Variants in XKR9 observed in about 807,000 individuals in gnomAD.
XKR9 encodes the protein XK related 9, also known as XK-related protein 9.
A neutral mutation model predicts 32.0 loss-of-function variants in XKR9; 32 were observed. The ratio of observed to expected loss-of-function variants is 1.00; its 90% confidence interval spans 0.76 to 1.34. The LOEUF is 1.34. Ranked by LOEUF, XKR9 falls within the 40% of genes most tolerant of loss-of-function variation. The probability of loss-of-function intolerance (pLI) is 0.00; values close to 1 mark genes in which losing one functional copy is unlikely to be tolerated. For missense variants in XKR9, 546 were observed against 429.7 expected (o/e 1.27, Z -2.39); for synonymous variants, 168 against 143.4 (o/e 1.17, Z -1.22).
rs1263747121 is a variant in XKR9 at position 70,671,783 on chromosome 8, G to A, written c.-361+2245G>A. Among the ~76,000 whole-genome samples, 2 of 112,522 alleles carry A rather than the reference G, an allele frequency of 1.8e-5. 1 individual carries two copies. The highest frequency in any genetic ancestry group is 4.3e-5 in the Non-Finnish European group (2 of 46,086). The allele number at this position is 112,522 out of a possible 152,430, so 73.8% of individuals were successfully genotyped here. A position where few individuals can be genotyped will look rare whatever the true frequency, so the allele number is the denominator to read the frequency against. Reference sequence around the variant, plus strand: ...AGTCTTTGCTATTGTGAATAGTGCCGCAATAAACATACGTGTGATTGTTTA... The same window carrying A: ...AGTCTTTGCTATTGTGAATAGTGCCACAATAAACATACGTGTGATTGTTTA... On this transcript the variant is annotated intron_variant, in intron 1 of 4. Coordinates refer to ENST00000408926, the MANE Select transcript of XKR9 (RefSeq NM_001011720.2).
chr8:70,856,943 A>G, the XKR9 span, among the ~76,000 whole-genome samples: 2 of 152,192 alleles, frequency 1.3e-5, no homozygotes, highest in Admixed American at 1.3e-4. Context: ...AAGACACAAC[A>G]TACCAGAATA....
intron 4 of XKR9, among the ~76,000 whole-genome samples, chr8:70,708,519 T>C (rs1805802103): frequency 6.6e-6 from 1 of 152,034 alleles, no homozygotes; most frequent in South Asian, 2.1e-4. Context: ...GCCACTAGAG[T>C]GTTTACAAAG....
chr8:70,816,175 C>T, the XKR9 span, among the ~76,000 whole-genome samples: 11 of 152,170 alleles, frequency 7.2e-5, no homozygotes, highest in East Asian at 3.9e-4. Flanking sequence ...GAATAGAGAA[C>T]GCAGAAATAA....
chr8:70,986,397 T>G, the XKR9 span, among the ~76,000 whole-genome samples: 1 of 152,242 alleles, frequency 6.6e-6, no homozygotes. Flanking sequence ...ATCTCATACA[T>G]TGTCAAAAAT....
the XKR9 span, among the ~76,000 whole-genome samples, chr8:70,935,135 A>G: frequency 1.4e-5 from 2 of 147,292 alleles, no homozygotes; most frequent in Non-Finnish European, 3.0e-5. Flanking sequence ...ACACACACAT[A>G]TATATACACA....
At chr8:70,753,746 G>A (rs1354422505) in intron 2 of XKR9, among the ~76,000 whole-genome samples, 2 of 151,808 alleles carry the variant, frequency 1.3e-5, no homozygotes, top group East Asian at 3.9e-4. Context: ...CAATAAATTA[G>A]GTACTGATGG....
intron 3 of XKR9, among the ~76,000 whole-genome samples, chr8:70,698,063 A>G (rs1366022140): frequency 3.3e-5 from 5 of 151,022 alleles, no homozygotes; most frequent in African/African-American, 4.9e-5. Context: ...CGTCTATTTG[A>G]TTCTTCTCTC....
At chr8:70,751,029 A>C (rs2130183798) in intron 2 of XKR9, among the ~76,000 whole-genome samples, 1 of 152,302 alleles carries the variant, frequency 6.6e-6, no homozygotes, top group South Asian at 2.1e-4. Context: ...AGGAAGAGAG[A>C]ATTCTGGCCT....
the XKR9 span, among the ~76,000 whole-genome samples, chr8:70,962,010 A>T: frequency 1.1e-4 from 16 of 152,256 alleles, no homozygotes; most frequent in Middle Eastern, 3.4e-3. Context: ...TATGAATTCA[A>T]GTTCTTTTGA....
the XKR9 span, among the ~76,000 whole-genome samples, chr8:70,800,978 T>C: frequency 1.3e-5 from 2 of 151,088 alleles, no homozygotes; most frequent in South Asian, 2.1e-4. Flanking sequence ...CTGAGGTCTC[T>C]AAGGTTTTTT....
the XKR9 span, among the ~76,000 whole-genome samples, chr8:70,801,933 TC>T: frequency 6.6e-6 from 1 of 151,760 alleles, no homozygotes; most frequent in African/African-American, 2.4e-5. Context: ...TTTTTCTTTT[TC>T]TTTCTTTTTT....
chr8:70,823,572 C>A, the XKR9 span, among the ~76,000 whole-genome samples: 1 of 152,164 alleles, frequency 6.6e-6, no homozygotes, highest in Non-Finnish European at 1.5e-5. Context: ...GAATGACATA[C>A]AATTTATCTT....
chr8:70,767,199 G>C (rs1012119868), intron 2 of XKR9, among the ~76,000 whole-genome samples: 2 of 152,138 alleles, frequency 1.3e-5, no homozygotes, highest in African/African-American at 4.8e-5. Flanking sequence ...TGTACCTCTG[G>C]TAGAATTCGG....
At chr8:70,705,119 T>C (rs192098840) in intron 3 of XKR9, among the ~76,000 whole-genome samples, 1 of 152,282 alleles carries the variant, frequency 6.6e-6, no homozygotes, top group East Asian at 1.9e-4. Flanking sequence ...TATATTTGTG[T>C]TTTACTTTCA....
chr8:70,723,200 A>G (rs1806341380), intron 4 of XKR9, among the ~76,000 whole-genome samples: 1 of 151,980 alleles, frequency 6.6e-6, no homozygotes, highest in African/African-American at 2.4e-5. Flanking sequence ...AGTTCCTGTA[A>G]TCTGTTATCA....
the XKR9 span, among the ~76,000 whole-genome samples, chr8:71,036,472 T>TC: frequency 6.6e-6 from 1 of 152,154 alleles, no homozygotes; most frequent in Non-Finnish European, 1.5e-5. Context: ...TTCTTTTTTT[T>TC]CTCCATTCAC....
chr8:71,029,097 G>A, the XKR9 span, among the ~76,000 whole-genome samples: 1 of 152,082 alleles, frequency 6.6e-6, no homozygotes, highest in Non-Finnish European at 1.5e-5. Flanking sequence ...CTGTTCTGTG[G>A]CAGCAGGAAC....
the XKR9 span, among the ~76,000 whole-genome samples, chr8:70,888,720 C>T: frequency 5.3e-5 from 8 of 151,930 alleles, no homozygotes; most frequent in African/African-American, 1.9e-4. Context: ...TGTTCATTCC[C>T]TAATAAATGT....
At chr8:70,986,254 A>G in the XKR9 span, among the ~76,000 whole-genome samples, 5 of 152,194 alleles carry the variant, frequency 3.3e-5, no homozygotes, top group Non-Finnish European at 5.9e-5. Flanking sequence ...TAGCTTTCTC[A>G]TCCATAAAAT....
Sources: gnomAD v4.1 joint callset for allele counts (sites outside exome capture counted in the v4.1 genomes callset) on GRCh38, gnomAD v4.1.1 for gene constraint, MANE v1.5 for transcripts, NCBI Gene and HGNC (gene_info 2026-07-23, HGNC 2026-07-21) for gene names.